GARNL3: variants seen among roughly 807,000 people sequenced by gnomAD.
GARNL3 encodes the protein GTPase-activating Rap/Ran-GAP domain-like protein 3.
Under a neutral mutation model 125.0 loss-of-function variants are expected in GARNL3, and 63 were observed. That is an observed-to-expected ratio of 0.50 (90% CI 0.41 to 0.62). The LOEUF is 0.62. Among genes scored for constraint, GARNL3 ranks in the 20% least tolerant of loss-of-function variants. GARNL3 has a pLI of 0.00. For synonymous variants in GARNL3, 439 were observed against 457.5 expected (o/e 0.96, Z 0.52); for missense variants, 994 against 1,244.0 (o/e 0.80, Z 3.02).
intron 2 of GARNL3, among the ~76,000 whole-genome samples, chr9:127,256,121 A>G (rs1454244943): frequency 6.6e-6 from 1 of 152,236 alleles, no homozygotes; most frequent in Non-Finnish European, 1.5e-5. Context: ...CAATTTGGTC[A>G]TGCATTTATA....
chr9:127,332,749 AAC>A (rs1399870773), intron 8 of GARNL3, among the ~76,000 whole-genome samples: 1 of 152,176 alleles, frequency 6.6e-6, no homozygotes, highest in Non-Finnish European at 1.5e-5. Flanking sequence ...AAGCAGTAAT[AAC>A]ATTTTTGTTT....
chr9:127,375,949 T>A (rs971622517), intron 22 of GARNL3, among the ~76,000 whole-genome samples: 9 of 152,084 alleles, frequency 5.9e-5, no homozygotes, highest in African/African-American at 1.7e-4. Flanking sequence ...GACTGTAACC[T>A]CCAATGACAT....
intron 21 of GARNL3, among the ~76,000 whole-genome samples, chr9:127,360,048 T>G (rs1467070601): frequency 6.6e-6 from 1 of 152,072 alleles, no homozygotes; most frequent in Non-Finnish European, 1.5e-5. Flanking sequence ...TGAGACTGAG[T>G]CTCGCTCTGT....
At chr9:127,269,530 C>T (rs942115538) in intron 1 of GARNL3, among the ~76,000 whole-genome samples, 4 of 152,176 alleles carry the variant, frequency 2.6e-5, no homozygotes, top group Non-Finnish European at 5.9e-5. Context: ...TTTACATTTC[C>T]ACCAGCAATG....
intron 6 of GARNL3, among the ~76,000 whole-genome samples, chr9:127,321,439 A>T (rs951985012): frequency 2.0e-5 from 3 of 152,214 alleles, no homozygotes; most frequent in African/African-American, 2.4e-5. Flanking sequence ...AGAGATTTTT[A>T]AAAAGTTAAT....
chr9:127,356,775 G>GC (rs1208933885), intron 20 of GARNL3, among the ~76,000 whole-genome samples: 1 of 152,184 alleles, frequency 6.6e-6, no homozygotes, highest in African/African-American at 2.4e-5. Flanking sequence ...TGACTTTTAA[G>GC]CCTCAGTTTC....
intron 1 of GARNL3, among the ~76,000 whole-genome samples, chr9:127,278,382 T>G (rs1440340272): frequency 6.6e-6 from 1 of 152,256 alleles, no homozygotes; most frequent in Non-Finnish European, 1.5e-5. Context: ...TGCAAATCTC[T>G]TTTTTCGTCT....
intron 13 of GARNL3, among the ~76,000 whole-genome samples, chr9:127,341,609 C>T (rs1042887204): frequency 2.0e-5 from 3 of 152,098 alleles, no homozygotes; most frequent in African/African-American, 7.2e-5. Flanking sequence ...CAGCATGGGG[C>T]TCAGGAAGAC....
At position 127,385,650 on chromosome 9, in the gene GARNL3, A is replaced by G. The variant is rs1435003049; in HGVS notation, c.2388+505A>G. ...TTCCAAGATGTCTTTTGTCGCTGGC[A>G]TATAATCTGGGGGGTCTTGTTCTAG... On this transcript the variant is annotated intron_variant, in intron 24 of 27. Transcript: ENST00000373387. This position sits in a 1 kb window ranked among gnomAD's most constrained non-coding sequence, Gnocchi z 4.1. Among the ~76,000 whole-genome samples, 4 of 152,202 alleles carry G rather than the reference A, an allele frequency of 2.6e-5. No homozygotes were observed. The highest frequency in any genetic ancestry group is 5.9e-5 in the Non-Finnish European group (4 of 68,016).
intron 7 of GARNL3, among the ~76,000 whole-genome samples, chr9:127,331,515 A>G (rs1446318184): frequency 2.0e-5 from 3 of 150,416 alleles, no homozygotes; most frequent in African/African-American, 5.0e-5. Flanking sequence ...AAAAAAAAAA[A>G]CCACTACCCA....
In GARNL3 at chr9:127,393,218, G is replaced by A. The variant is rs778312624; in HGVS notation, c.3006G>A (p.Thr1002=). 9.3e-6 allele frequency: 15 copies of A among 1,613,432 alleles called. No individual in the cohort carries two copies. Among genetic ancestry groups the A allele is most frequent in the South Asian group, 6.6e-5 (6 of 91,064 alleles). ...CCGGCAGCAGCCCCTTCCAGCTCAC[G>A]GCTTTCTCCGATGAAGACATTATAG... The part of the protein sequence containing the change: ...PVSGSSPFQL[T]AFSDEDIIDL... Residue 1002 remains threonine, a synonymous_variant, in exon 28 of 28, where the codon ACG becomes ACA. Transcript: ENST00000373387.
At chr9:127,332,462 T>TATTAAATTG in intron 8 of GARNL3, 113 bp downstream of exon 8, 1 of 796,704 alleles carries the variant, frequency 1.3e-6, no homozygotes, top group East Asian at 2.5e-5. Context: ...TACGAGGAGA[T>TATTAAATTG]AGTTTTACAC....
intron 2 of GARNL3, among the ~76,000 whole-genome samples, chr9:127,255,388 T>A (rs1045553660): frequency 6.6e-6 from 1 of 152,228 alleles, no homozygotes; most frequent in African/African-American, 2.4e-5. Flanking sequence ...CAGGAAGATA[T>A]GCATGGTATA....
At chr9:127,338,696 T>C (rs1012075515) in intron 12 of GARNL3, among the ~76,000 whole-genome samples, 7 of 152,232 alleles carry the variant, frequency 4.6e-5, no homozygotes, top group African/African-American at 1.7e-4. Context: ...ATACCAAGTA[T>C]GCTGCCTGGT....
intron 14 of GARNL3, among the ~76,000 whole-genome samples, chr9:127,343,258 T>G (rs916063858): frequency 6.6e-6 from 1 of 152,020 alleles, no homozygotes; most frequent in African/African-American, 2.4e-5. Flanking sequence ...CCCCAACCAC[T>G]CGCAGGGATT....
At chr9:127,253,364 A>G (rs911901324) in intron 2 of GARNL3, among the ~76,000 whole-genome samples, 3 of 152,252 alleles carry the variant, frequency 2.0e-5, no homozygotes, top group Admixed American at 1.3e-4. Context: ...CTTGTTTTAT[A>G]TGGCCCCAAA....
At chr9:127,353,780 C>T (rs913781034) in intron 17 of GARNL3, 66 bp from the exon 18 acceptor site, 11 of 1,057,732 alleles carry the variant, frequency 1.0e-5, no homozygotes, top group East Asian at 2.4e-5. Context: ...CCCACAGGCA[C>T]GTTTGGTGGG....
At chr9:127,368,008 C>CTTTTTTTTTTTTTTT (rs10573639) in intron 22 of GARNL3, among the ~76,000 whole-genome samples, 1 of 81,886 alleles carries the variant, frequency 1.2e-5, no homozygotes. Flanking sequence ...CATAGACTTT[C>CTTTTTTTTTTTTTTT]TTTTTTTTTT....
chr9:127,381,139 A>C (rs1832234937), intron 22 of GARNL3, among the ~76,000 whole-genome samples: 1 of 152,208 alleles, frequency 6.6e-6, no homozygotes, highest in Non-Finnish European at 1.5e-5. Context: ...GGCTTCCCAA[A>C]AGTGCTGGGA....
Sources: allele counts gnomAD v4.1 joint callset (sites outside exome capture counted in the v4.1 genomes callset), GRCh38; gene constraint gnomAD v4.1.1; non-coding constraint Gnocchi (gnomAD v3.1); transcripts MANE v1.5; gene names NCBI Gene and HGNC (gene_info 2026-07-23, HGNC 2026-07-21).